CDH19: variants seen among roughly 807,000 people sequenced by gnomAD.
The protein encoded by CDH19 is cadherin 19, also known as cadherin-19.
In CDH19, 67 loss-of-function variants were observed where a neutral mutation model predicts 64.2. The ratio of observed to expected loss-of-function variants is 1.04; its 90% CI spans 0.86 to 1.28. CDH19 has a LOEUF of 1.28. CDH19 is among the 50% of genes most tolerant of loss of function. The pLI is 0.00. For synonymous variants in CDH19, 346 were observed against 319.3 expected, an observed-to-expected ratio of 1.08 and a Z score of -0.89; for missense variants, 1,030 against 929.0, an observed-to-expected ratio of 1.11 and a Z score of -1.41.
Position 66,535,119 on chromosome 18 carries a change from G to A in CDH19, c.1215-12C>T. On this transcript the variant is annotated splice_polypyrimidine_tract_variant and intron_variant, in intron 7 of 11. Transcript: ENST00000262150. The stretch of plus-strand genomic sequence containing the variant: ...TAGTAATAGAATACCTGAACCAAAA[G>A]GAAAGTATACCTTAATATTTTTATT... The A allele has an allele frequency of 2.8e-6, 4 of 1,419,054 alleles. No individual in the cohort carries two copies. The highest frequency in any genetic ancestry group is 3.8e-6 in the Non-Finnish European group (4 of 1,050,016). The allele number at this position is 1,419,054 out of a possible 1,614,324, so 87.9% of individuals were successfully genotyped here.
intron 3 of CDH19, among the ~76,000 whole-genome samples, chr18:66,567,363 G>A (rs1157840906): frequency 6.6e-6 from 1 of 151,496 alleles, no homozygotes; most frequent in African/African-American, 2.4e-5. Flanking sequence ...GTGGAGAAGG[G>A]GGAGGAGGAG....
chr18:66,506,219 C>A (rs567778112), intron 11 of CDH19, among the ~76,000 whole-genome samples: 4 of 151,920 alleles, frequency 2.6e-5, no homozygotes, highest in African/African-American at 9.7e-5. Context: ...TGCAAAGTTA[C>A]AGTGGGACAG....
At chr18:66,574,656 G>T (rs1357187062) in intron 1 of CDH19, among the ~76,000 whole-genome samples, 1 of 151,600 alleles carries the variant, frequency 6.6e-6, no homozygotes, top group South Asian at 2.1e-4. Context: ...TAGAACCAAT[G>T]AAATTTAGAA....
In CDH19 at chr18:66,524,542, G is replaced by GTATATATATATATA. The variant is rs72219868; in HGVS notation, c.1458+5289_1458+5302dup. ...ACAATATATGCGTGTATGTTTGTGT[G>GTATATATATATATA]TATATATATATATATATATATATAT... On this transcript the variant is annotated intron_variant, in intron 9 of 11. Coordinates refer to ENST00000262150, the MANE Select transcript of CDH19 (RefSeq NM_021153.4). Among the ~76,000 whole-genome samples, 466 of 94,496 alleles carry GTATATATATATATA rather than the reference G, an allele frequency of 4.9e-3. 2 individuals carry two copies. Among genetic ancestry groups the GTATATATATATATA allele is most frequent in the African/African-American group, 7.3e-3 (242 of 32,994 alleles). The allele number at this position is 94,496 out of a possible 152,430, so 62.0% of individuals were successfully genotyped here. A position where few individuals can be genotyped will look rare whatever the true frequency, so the allele number is the denominator to read the frequency against.
chr18:66,543,977 G>A lies in CDH19; in HGVS notation c.1208C>T (p.Pro403Leu). The A allele has an allele frequency of 6.2e-7, 1 of 1,610,592 alleles. No individual in the cohort carries two copies. Residue 403 changes from proline to leucine, a missense_variant, in exon 7 of 12, where the codon CCT (proline) becomes CTT (leucine). Physicochemically the swap from Pro to Leu is moderately conservative, Grantham distance 98 (BLOSUM62 -3). Transcript: ENST00000262150. The stretch of plus-strand genomic sequence containing the variant: ...ACTGACCTTACAGACATACCTGATA[G>A]GAGATTTCCTATTGTCTGGGTCTGT... ...SATDPDNRKS[P>L]IRYSITRSKV...
Position 66,502,729 on chromosome 18 carries a change from C to T in CDH19, c.*2083G>A, listed in dbSNP as rs2144316472. Reference sequence around the variant, plus strand: ...CTATTTGACTTGCAAATTTTTGCTCCTTTAAATTTTCTCTTGTTTGGTATT... The same window carrying T: ...CTATTTGACTTGCAAATTTTTGCTCTTTTAAATTTTCTCTTGTTTGGTATT... On this transcript the variant is annotated 3_prime_UTR_variant, in exon 12 of 12. Coordinates refer to ENST00000262150, the MANE Select transcript of CDH19 (RefSeq NM_021153.4). 1 of 151,836 alleles carries T rather than the reference C, an allele frequency of 6.6e-6. No individual in the cohort carries two copies. Among genetic ancestry groups the T allele is most frequent in the South Asian group, 2.1e-4 (1 of 4,822 alleles). 9.4% of individuals were successfully genotyped at this position (151,836 alleles called of 1,614,324 possible).
At chr18:66,579,202 CAACT>C (rs1277402678) in intron 1 of CDH19, among the ~76,000 whole-genome samples, 2 of 151,918 alleles carry the variant, frequency 1.3e-5, no homozygotes, top group Non-Finnish European at 2.9e-5. Context: ...ACAAATTAGA[CAACT>C]AACCGTGGAA....
chr18:66,548,967 C>T (rs919575899), intron 5 of CDH19, among the ~76,000 whole-genome samples: 1 of 151,926 alleles, frequency 6.6e-6, no homozygotes, highest in Non-Finnish European at 1.5e-5. Context: ...TTGAGAGATG[C>T]CTTTAATTGG....
chr18:66,541,622 A>G (rs1190499729), intron 7 of CDH19, among the ~76,000 whole-genome samples: 1 of 152,154 alleles, frequency 6.6e-6, no homozygotes, highest in African/African-American at 2.4e-5. Flanking sequence ...AATCAACAAT[A>G]TCAACAACAA....
At chr18:66,555,535 T>C (rs539937764) in intron 3 of CDH19, among the ~76,000 whole-genome samples, 16 of 151,812 alleles carry the variant, frequency 1.1e-4, no homozygotes, top group Non-Finnish European at 2.4e-4. Flanking sequence ...TTTGTTTTAA[T>C]ATCATACAGC....
At chr18:66,537,219 CT>C (rs1183689936) in intron 7 of CDH19, among the ~76,000 whole-genome samples, 2 of 151,824 alleles carry the variant, frequency 1.3e-5, no homozygotes, top group Non-Finnish European at 2.9e-5. Flanking sequence ...CCAATACGGC[CT>C]TTCATTTTCC....
At position 66,572,114 on chromosome 18, in the gene CDH19, C is replaced by CT. The variant is rs749767679; in HGVS notation, c.90dup (p.Val31SerfsTer30). 3.1e-6 allele frequency: 5 copies of CT among 1,611,684 alleles called. No homozygotes were observed. The highest frequency in any genetic ancestry group is 4.2e-6 in the Non-Finnish European group (5 of 1,178,476). On this transcript the variant is annotated frameshift_variant, in exon 2 of 12. Transcript: ENST00000262150. LOFTEE classifies it high-confidence loss of function. ...AAATGAGATCGCACTGGCTGCTTGA[C>CT]TTTCTTTGTTTGAGAGTTTTCTGTT...
At chr18:66,579,933 A>T (rs1405467425) in intron 1 of CDH19, among the ~76,000 whole-genome samples, 1 of 151,986 alleles carries the variant, frequency 6.6e-6, no homozygotes, top group Non-Finnish European at 1.5e-5. Flanking sequence ...GTGTCTTGAG[A>T]AAAAGTATAT....
At chr18:66,545,321 A>G (rs929035349) in intron 5 of CDH19, among the ~76,000 whole-genome samples, 3 of 151,926 alleles carry the variant, frequency 2.0e-5, no homozygotes, top group African/African-American at 7.2e-5. Context: ...GGAATCCCGT[A>G]TCTACCTTTC....
chr18:66,525,031 T>A (rs1338237951), intron 9 of CDH19, among the ~76,000 whole-genome samples: 1 of 152,148 alleles, frequency 6.6e-6, no homozygotes, highest in Non-Finnish European at 1.5e-5. Flanking sequence ...ATCCAGAATT[T>A]ACATTATTTA....
chr18:66,601,219 T>C (rs965986763), intron 1 of CDH19, among the ~76,000 whole-genome samples: 1 of 152,052 alleles, frequency 6.6e-6, no homozygotes, highest in East Asian at 1.9e-4. Flanking sequence ...ATAAAATAGA[T>C]GGCAAACTCT....
intron 9 of CDH19, among the ~76,000 whole-genome samples, chr18:66,524,990 A>T (rs935958546): frequency 1.3e-5 from 2 of 152,074 alleles, no homozygotes; most frequent in African/African-American, 4.8e-5. Context: ...CTAAGAAAGT[A>T]TATACTGGTT....
intron 2 of CDH19, among the ~76,000 whole-genome samples, chr18:66,571,446 T>C (rs186624346): frequency 2.6e-5 from 4 of 151,752 alleles, no homozygotes; most frequent in Admixed American, 6.6e-5. Context: ...AATAATAAAA[T>C]ACAAGCCAAA....
chr18:66,530,513 A>C (rs1313142278), intron 8 of CDH19, among the ~76,000 whole-genome samples: 2 of 152,064 alleles, frequency 1.3e-5, no homozygotes, highest in Non-Finnish European at 1.5e-5. Context: ...TATATTTTAA[A>C]GTAAAATAGT....
Sources: gnomAD v4.1 joint callset for allele counts (sites outside exome capture counted in the v4.1 genomes callset) on GRCh38, gnomAD v4.1.1 for gene constraint, MANE v1.5 for transcripts, NCBI Gene and HGNC (gene_info 2026-07-23, HGNC 2026-07-21) for gene names.